The following FOXK2 variants were observed in gnomAD, a reference collection of about 807,000 sequenced individuals.
FOXK2 encodes forkhead box protein K2.
Under a neutral mutation model 53.3 loss-of-function variants are expected in FOXK2, and 24 were observed. The ratio of observed to expected loss-of-function variants is 0.45; its 90% confidence interval spans 0.33 to 0.63. The LOEUF (loss-of-function observed/expected upper bound fraction) is 0.63. FOXK2 is among the 30% of genes least tolerant of loss of function. The pLI is 0.03. For missense variants in FOXK2, 952 were observed against 910.5 expected (o/e 1.05, Z -0.59); for synonymous variants, 505 against 407.1 (o/e 1.24, Z -2.89).
intron 4 of FOXK2, among the ~76,000 whole-genome samples, chr17:82,577,556 G>A (rs1381875061): frequency 6.6e-6 from 1 of 152,096 alleles, no homozygotes; most frequent in East Asian, 1.9e-4. Flanking sequence ...GGGCCCCGCC[G>A]GGCCCTCTGT....
At chr17:82,558,225 A>G (rs1469910709) in intron 1 of FOXK2, among the ~76,000 whole-genome samples, 1 of 152,010 alleles carries the variant, frequency 6.6e-6, no homozygotes, top group Non-Finnish European at 1.5e-5. Context: ...CTGTAGTCCT[A>G]GCTGCTCGAG....
chr17:82,581,659 T>C (rs1463445391), intron 4 of FOXK2, among the ~76,000 whole-genome samples: 1 of 152,126 alleles, frequency 6.6e-6, no homozygotes, highest in Admixed American at 6.6e-5. Flanking sequence ...GTATTTTTAG[T>C]AGAGACAGGG....
intron 8 of FOXK2, among the ~76,000 whole-genome samples, chr17:82,587,934 G>A (rs140216631): frequency 1.8e-3 from 277 of 152,274 alleles, no homozygotes; most frequent in African/African-American, 4.9e-3. Flanking sequence ...TGGCGCTTGC[G>A]GGATCTCAAG....
At chr17:82,572,033 C>T (rs1237690502) in intron 4 of FOXK2, 163 bp downstream of exon 4, 2 of 568,368 alleles carry the variant, frequency 3.5e-6, no homozygotes, top group Non-Finnish European at 5.7e-6. Context: ...CTGCCATGCT[C>T]TGCCTCACCT....
rs1039809628 is a variant in FOXK2 at position 82,583,439 on chromosome 17, C to T, written c.1103+505C>T. ...GCGCGCGCCTGTAATCCCAGCTACT[C>T]GGGAGCCTGAGGCAGGAGAATCGCT... is the stretch of plus-strand genomic sequence containing the variant. On this transcript the variant is annotated intron_variant, in intron 5 of 8. Coordinates refer to ENST00000335255, the MANE Select transcript of FOXK2 (RefSeq NM_004514.4). 6.6e-5 allele frequency among the ~76,000 whole-genome samples: 10 copies of T among 152,170 alleles called. No homozygotes were observed. The South Asian group carries it at 1.5e-3, about 22-fold the overall frequency.
At chr17:82,563,733 T>G (rs2044822972) in intron 2 of FOXK2, among the ~76,000 whole-genome samples, 185 bp downstream of exon 2, 1 of 151,190 alleles carries the variant, frequency 6.6e-6, no homozygotes, top group African/African-American at 2.4e-5. Flanking sequence ...AGGTTCCTGG[T>G]TTTTATTTAC....
chr17:82,591,835 C>G (rs1221779848), intron 8 of FOXK2, among the ~76,000 whole-genome samples: 4 of 152,328 alleles, frequency 2.6e-5, no homozygotes, highest in African/African-American at 9.6e-5. Flanking sequence ...CATCTCCTGT[C>G]TCTGGGCTGC....
At chr17:82,583,207 C>T (rs1328706176) in intron 5 of FOXK2, among the ~76,000 whole-genome samples, 1 of 152,230 alleles carries the variant, frequency 6.6e-6, no homozygotes. Flanking sequence ...ACCAGTGCCA[C>T]GTCGACGTTT....
chr17:82,567,977 T>C, intron 2 of FOXK2, 77 bp from the exon 3 acceptor site: 1 of 1,137,514 alleles, frequency 8.8e-7, no homozygotes. Flanking sequence ...ATCCCTGTAA[T>C]TAAAGCCAGT....
At chr17:82,570,447 C>T (rs965908164) in intron 3 of FOXK2, among the ~76,000 whole-genome samples, 3 of 152,114 alleles carry the variant, frequency 2.0e-5, no homozygotes, top group Admixed American at 1.3e-4. Context: ...GAGCCGTGAT[C>T]ACACCACTGC....
At chr17:82,582,984 C>T (rs748348913) in intron 5 of FOXK2, 50 bp downstream of exon 5, 5 of 1,326,728 alleles carry the variant, frequency 3.8e-6, no homozygotes, top group Non-Finnish European at 5.0e-6. Context: ...ACTAAACTTA[C>T]CTTCAGTGTA....
rs1253647327 is a variant in FOXK2 at position 82,603,255 on chromosome 17, T to G, written c.*1756T>G. The G allele has an allele frequency of 6.6e-6, 1 of 152,252 alleles. No homozygotes were observed. Among genetic ancestry groups the G allele is most frequent in the Non-Finnish European group, 1.5e-5 (1 of 68,038 alleles). The allele number at this position is 152,252 out of a possible 1,614,324, so 9.4% of individuals were successfully genotyped here. Reference sequence around the variant, plus strand: ...ATGGATCAGAGCCCCTCGGTGCAGCTGTCTGCATCTTCCAAGCACTTTACA... The same window carrying G: ...ATGGATCAGAGCCCCTCGGTGCAGCGGTCTGCATCTTCCAAGCACTTTACA... On this transcript the variant is annotated 3_prime_UTR_variant, in exon 9 of 9. Coordinates refer to ENST00000335255, the MANE Select transcript of FOXK2 (RefSeq NM_004514.4).
At chr17:82,537,940 G>A (rs899249713) in intron 1 of FOXK2, among the ~76,000 whole-genome samples, 4 of 146,744 alleles carry the variant, frequency 2.7e-5, no homozygotes, top group South Asian at 2.1e-4. Context: ...AAAAAAATCC[G>A]TGGCCAGGCA....
intron 4 of FOXK2, among the ~76,000 whole-genome samples, chr17:82,575,847 C>T (rs188906875): frequency 5.8e-4 from 88 of 152,336 alleles, no homozygotes; most frequent in African/African-American, 1.9e-3. Flanking sequence ...GATGCAGATG[C>T]GCAAAGATTC....
intron 1 of FOXK2, among the ~76,000 whole-genome samples, chr17:82,557,031 AT>A (rs1214721122): frequency 2.4e-5 from 3 of 124,648 alleles, no homozygotes; most frequent in African/African-American, 9.4e-5. Flanking sequence ...TATTATTATT[AT>A]TTTTTATTTT....
At position 82,595,697 on chromosome 17, in the gene FOXK2, T is replaced by A. The variant is rs1206325668; in HGVS notation, c.1787-5606T>A. 3 of 1,147,804 alleles carry A rather than the reference T, an allele frequency of 2.6e-6. No homozygotes were observed. In the East Asian group the frequency reaches 1.8e-4, roughly 69 times the overall value. The allele number at this position is 1,147,804 out of a possible 1,614,324, so 71.1% of individuals were successfully genotyped here. A position where few individuals can be genotyped will look rare whatever the true frequency, so the allele number is the denominator to read the frequency against. On this transcript the variant is annotated intron_variant, in intron 8 of 8. Transcript: ENST00000335255. ...CTCTAACAGTGGGGTCGGTCCCTGT[T>A]ATTAAGCCTGTGTCACTATTCCCTG...
chr17:82,580,900 C>T (rs1210457168), intron 4 of FOXK2, among the ~76,000 whole-genome samples: 1 of 150,580 alleles, frequency 6.6e-6, no homozygotes, highest in Admixed American at 6.6e-5. Context: ...GGCCCAGATC[C>T]CTCCCACACA....
chr17:82,544,193 G>A (rs868731399), intron 1 of FOXK2, among the ~76,000 whole-genome samples: 3 of 152,158 alleles, frequency 2.0e-5, no homozygotes, highest in Admixed American at 6.6e-5. Context: ...GATTATAGGC[G>A]TGAGCCACTG....
chr17:82,579,408 C>G (rs947791436), intron 4 of FOXK2, among the ~76,000 whole-genome samples: 5 of 152,182 alleles, frequency 3.3e-5, no homozygotes, highest in Admixed American at 6.5e-5. Context: ...CATCTGATGC[C>G]CTTACCTATA....
Sources: allele counts gnomAD v4.1 joint callset (sites outside exome capture counted in the v4.1 genomes callset), GRCh38; gene constraint gnomAD v4.1.1; transcripts MANE v1.5; gene names NCBI Gene and HGNC (gene_info 2026-07-23, HGNC 2026-07-21).